PCNX3: variants seen among roughly 807,000 people sequenced by gnomAD.
PCNX3 encodes the protein pecanex-like protein 3.
PCNX3 carries 58 observed loss-of-function variants against 207.2 expected under a neutral mutation model. That is an observed-to-expected ratio of 0.28 (90% confidence interval 0.23 to 0.35). PCNX3 has a LOEUF of 0.35. Ranked by LOEUF, PCNX3 falls within the 10% of genes least tolerant of loss-of-function variation. The pLI is 1.00. For synonymous variants in PCNX3, 1,337 were observed against 1,183.5 expected (o/e 1.13, Z -2.66); for missense variants, 2,410 against 2,774.4 (o/e 0.87, Z 2.95).
At position 65,623,981 on chromosome 11, in the gene PCNX3, C is replaced by A; in HGVS notation, c.2544+20C>A. ...ATGCACGTGAGTACCCATGGAGCAGCGCCTCTGGCCAGGAGGCCCCGGGAG... is the reference window on the plus strand; with the variant it reads ...ATGCACGTGAGTACCCATGGAGCAGAGCCTCTGGCCAGGAGGCCCCGGGAG... On this transcript the variant is annotated intron_variant, in intron 13 of 34. Transcript: ENST00000355703. 6.2e-7 allele frequency: 1 copy of A among 1,610,294 alleles called. No individual in the cohort carries two copies. The highest frequency in any genetic ancestry group is 8.5e-7 in the Non-Finnish European group (1 of 1,179,838).
Position 65,635,073 on chromosome 11 carries a change from C to G in PCNX3, c.4906C>G (p.His1636Asp), listed in dbSNP as rs1855771375. The G allele has an allele frequency of 6.2e-7, 1 of 1,613,740 alleles. No individual in the cohort carries two copies. Among genetic ancestry groups the G allele is most frequent in the African/African-American group, 1.3e-5 (1 of 74,910 alleles). ...EWVFADMDLL[H>D]RVVAPGVRMA... ...GGTCTTTGCCGACATGGACCTGCTT[C>G]ACCGCGTTGTGGCGCCTGGGGTTCG... The change falls in exon 30 of 35, where the codon CAC becomes GAC. Residue 1636 changes from histidine to aspartate, a missense_variant. Physicochemically the swap from His to Asp is moderately conservative, Grantham distance 81. Coordinates refer to ENST00000355703, the MANE Select transcript of PCNX3 (RefSeq NM_032223.4). This position sits in a 1 kb window ranked among gnomAD's most constrained non-coding sequence, Gnocchi z 9.9.
chr11:65,626,748 G>T, intron 20 of PCNX3, 156 bp from the exon 21 acceptor site: 1 of 1,066,320 alleles, frequency 9.4e-7, no homozygotes, highest in South Asian at 1.6e-5. Context: ...TGCCCTGCTG[G>T]GGCTCGCTGC....
rs899663733 is a variant in PCNX3 at position 65,617,456 on chromosome 11, C to G, written c.442-14C>G. 5.0e-6 allele frequency: 8 copies of G among 1,613,932 alleles called. No individual in the cohort carries two copies. Among genetic ancestry groups the G allele is most frequent in the Admixed American group, 3.3e-5 (2 of 60,026 alleles). On this transcript the variant is annotated splice_polypyrimidine_tract_variant and intron_variant, in intron 3 of 34. Transcript: ENST00000355703. ...TTGCCTTGTTTGTTCCTTCATGGCT[C>G]TCTGTCTACTCAGGAGCTGCTGCCC...
chr11:65,622,664 C>T (rs1411943870), intron 11 of PCNX3, among the ~76,000 whole-genome samples: 2 of 152,200 alleles, frequency 1.3e-5, no homozygotes, highest in African/African-American at 2.4e-5. Flanking sequence ...GGCATGATCT[C>T]GGCTCACTGC....
Position 65,625,737 on chromosome 11 carries a change from C to T in PCNX3, c.3221C>T (p.Ala1074Val). The T allele has an allele frequency of 3.7e-6, 6 of 1,609,254 alleles. No individual in the cohort carries two copies. The highest frequency in any genetic ancestry group is 5.1e-6 in the Non-Finnish European group (6 of 1,179,492). Residue 1074 changes from alanine (A) to valine (V), a missense_variant, in exon 19 of 35, where the codon GCC becomes GTC. This residue lies in a region of PCNX3 where 333 missense variants were observed against 386.8 expected (regional missense o/e 0.86). Coordinates refer to ENST00000355703, the MANE Select transcript of PCNX3 (RefSeq NM_032223.4). This position sits in a 1 kb window ranked among gnomAD's most constrained non-coding sequence, Gnocchi z 5.6. ...FAISASTVFI[A>V]LKSVLGFVLY... is the part of the protein sequence containing the mutation. ...ATCAGCGCCAGCACCGTCTTTATTG[C>T]CCTGAAGGTTTGTGTGGCATGGGCC...
At position 65,636,814 on chromosome 11, in the gene PCNX3, G is replaced by A. The variant is rs368905925; in HGVS notation, c.5941G>A (p.Val1981Ile). The stretch of plus-strand genomic sequence containing the variant: ...CCTCAGCCTCAGCCTCAGCCCCGAT[G>A]TCAGCACTGAGGCCTCACCCCCCAG... Reference protein sequence around the residue: ...LSLSLSLSPDVSTEASPPRAS... With the variant: ...LSLSLSLSPDISTEASPPRAS... Residue 1981 changes from valine (V) to isoleucine (I), a missense_variant, in exon 35 of 35, where the codon GTC becomes ATC. Coordinates refer to ENST00000355703, the MANE Select transcript of PCNX3 (RefSeq NM_032223.4). 29 of 1,549,820 alleles carry A rather than the reference G, an allele frequency of 1.9e-5. No homozygotes were observed. In the African/African-American group the frequency reaches 3.9e-4, roughly 21 times the overall value.
At position 65,629,342 on chromosome 11, in the gene PCNX3, A is replaced by T. The variant is rs1226985410; in HGVS notation, c.3942-15A>T. Reference sequence around the variant, plus strand: ...CCTTCTTGGCCAACCGCCTTGTTGCACTCTCTCTGAACAGCACTAAACGTG... The same window carrying T: ...CCTTCTTGGCCAACCGCCTTGTTGCTCTCTCTCTGAACAGCACTAAACGTG... On this transcript the variant is annotated splice_polypyrimidine_tract_variant and intron_variant, in intron 24 of 34. Coordinates refer to ENST00000355703, the MANE Select transcript of PCNX3 (RefSeq NM_032223.4). 4 of 1,607,262 alleles carry T rather than the reference A, an allele frequency of 2.5e-6. No homozygotes were observed. The African/African-American group carries it at 5.4e-5, about 22-fold the overall frequency.
At chr11:65,632,140 G>T (rs1019293226) in intron 27 of PCNX3, among the ~76,000 whole-genome samples, 1 of 152,118 alleles carries the variant, frequency 6.6e-6, no homozygotes, top group Non-Finnish European at 1.5e-5. Context: ...AGATGCACCT[G>T]GCCAGGTCTC....
chr11:65,617,849 G>A, intron 5 of PCNX3, 91 bp from the exon 6 acceptor site: 1 of 1,473,176 alleles, frequency 6.8e-7, no homozygotes, highest in Non-Finnish European at 9.2e-7. Flanking sequence ...TGGGCTCTCA[G>A]GGAAAGTACA....
In PCNX3 at chr11:65,634,814, C is replaced by T. The variant is rs375757564; in HGVS notation, c.4806-159C>T. Among the ~76,000 whole-genome samples, 54 of 152,270 alleles carry T rather than the reference C, an allele frequency of 3.5e-4. No homozygotes were observed. The South Asian group carries it at 0.011, about 31-fold the overall frequency. Reference sequence around the variant, plus strand: ...CCTGGTCATGACCTTGCCTGCTCCTCAGTGCTCTGTGAGAGACATGGGCAG... The same window carrying T: ...CCTGGTCATGACCTTGCCTGCTCCTTAGTGCTCTGTGAGAGACATGGGCAG... On this transcript the variant is annotated intron_variant, in intron 29 of 34. Transcript: ENST00000355703.
chr11:65,621,393 T>C (rs1855091071), intron 10 of PCNX3, among the ~76,000 whole-genome samples: 1 of 152,232 alleles, frequency 6.6e-6, no homozygotes, highest in Admixed American at 6.5e-5. Flanking sequence ...TTACCAGCGC[T>C]CTGTCACTCT....
At chr11:65,617,053 G>A in intron 2 of PCNX3, 42 bp downstream of exon 2, 1 of 1,550,062 alleles carries the variant, frequency 6.5e-7, no homozygotes, top group South Asian at 1.2e-5. Flanking sequence ...AGGGTTTTTG[G>A]TGCCTGGGCC....
Position 65,627,029 on chromosome 11 carries a change from C to A in PCNX3, c.3505C>A (p.Pro1169Thr). 2 of 1,528,382 alleles carry A rather than the reference C, an allele frequency of 1.3e-6. No individual in the cohort carries two copies. The highest frequency in any genetic ancestry group is 1.8e-6 in the Non-Finnish European group (2 of 1,135,580). 94.7% of individuals were successfully genotyped at this position (1,528,382 alleles called of 1,614,324 possible). The change falls in exon 21 of 35, where the codon CCG becomes ACG. Residue 1169 changes from proline (P) to threonine (T), a missense_variant. Coordinates refer to ENST00000355703, the MANE Select transcript of PCNX3 (RefSeq NM_032223.4). ...GGACGCCCACACAGTCGTCAGCCAC[C>A]CGGACAAGTACTGCTTCTAGTGAGG... ...TVDAHTVVSH[P>T]DKYCFYCRAL...
chr11:65,625,225 C>T lies in PCNX3; in HGVS notation c.2974C>T (p.Leu992=). The T allele has an allele frequency of 6.2e-7, 1 of 1,611,240 alleles. No individual in the cohort carries two copies. ...PVLFSVFCGL[L]VALSYHLSRQ... ...CCTCTTCTCAGTCTTCTGTGGCCTC[C>T]TGGTGGCACTGTCCTACCACCTGAG... is the stretch of plus-strand genomic sequence containing the variant. Residue 992 remains leucine (L), a synonymous_variant, in exon 17 of 35, where the codon CTG becomes TTG. Coordinates refer to ENST00000355703, the MANE Select transcript of PCNX3 (RefSeq NM_032223.4). This position sits in a 1 kb window ranked among gnomAD's most constrained non-coding sequence, Gnocchi z 5.6.
chr11:65,636,831 AC>A lies in PCNX3; in HGVS notation c.5964del (p.Arg1989GlufsTer57). 1.9e-6 allele frequency: 3 copies of A among 1,542,986 alleles called. No individual in the cohort carries two copies. The highest frequency in any genetic ancestry group is 2.6e-6 in the Non-Finnish European group (3 of 1,145,190). The stretch of plus-strand genomic sequence containing the variant: ...GCCCCGATGTCAGCACTGAGGCCTC[AC>A]CCCCCAGAGCTTCCCAGGACATTCC... ...LSPDVSTEAS[P>X]PRASQDIPCL... is the part of the protein sequence containing the mutation. On this transcript the variant is annotated frameshift_variant, in exon 35 of 35. Coordinates refer to ENST00000355703, the MANE Select transcript of PCNX3 (RefSeq NM_032223.4). LOFTEE classifies it high-confidence loss of function.
chr11:65,623,831 A>G, intron 12 of PCNX3, 98 bp from the exon 13 acceptor site: 1 of 1,575,366 alleles, frequency 6.3e-7, no homozygotes, highest in Non-Finnish European at 8.7e-7. Context: ...TGACCTGGTC[A>G]CTCATAACTG....
rs867805424 is a variant in PCNX3, at chr11:65,620,898, C to T, written c.2167C>T (p.Leu723=). 1 of 1,569,460 alleles carries T rather than the reference C, an allele frequency of 6.4e-7. No individual in the cohort carries two copies. Among genetic ancestry groups the T allele is most frequent in the Non-Finnish European group, 8.6e-7 (1 of 1,158,074 alleles). ...DVPEATGGLN[L]LQPRPVVLQG... is the part of the protein sequence containing the mutation. ...CCCTGAGGCTACAGGCGGCCTGAAC[C>T]TGCTGCAGCCGAGGCCTGTGGTTCT... Residue 723 remains leucine (L), a synonymous_variant, in exon 10 of 35, where the codon CTG becomes TTG. Coordinates refer to ENST00000355703, the MANE Select transcript of PCNX3 (RefSeq NM_032223.4).
chr11:65,636,547 G>C lies in PCNX3; in HGVS notation c.5750G>C (p.Arg1917Pro). 6.3e-7 allele frequency: 1 copy of C among 1,594,806 alleles called. No individual in the cohort carries two copies. The highest frequency in any genetic ancestry group is 8.5e-7 in the Non-Finnish European group (1 of 1,172,412). The change falls in exon 34 of 35, where the codon CGG (arginine) becomes CCG (proline). Residue 1917 changes from arginine to proline, a missense_variant. This residue lies in a region of PCNX3 where 278 missense variants were observed against 245.1 expected (regional missense o/e 1.13). Coordinates refer to ENST00000355703, the MANE Select transcript of PCNX3 (RefSeq NM_032223.4). ...TCGCCTATCCCCACAGAGGGTCCCC[G>C]GACCTCACGGCCCCCTGGCCCGGGT... ...PASPIPTEGP[R>P]TSRPPGPGLL... is the part of the protein sequence containing the mutation.
chr11:65,618,745 A>C lies in PCNX3; in HGVS notation c.1383A>C (p.Ala461=). The change falls in exon 6 of 35, where the codon GCA becomes GCC. Residue 461 remains alanine (A), a synonymous_variant. Transcript: ENST00000355703. ...ACTCCCCTGAGAGCTCCCGGGGTGC[A>C]GCAGGGGGACCCCGGAAGCGGAGGG... ...SCYSPESSRG[A]AGGPRKRRAP... is the part of the protein sequence containing the mutation. 9 of 1,612,256 alleles carry C rather than the reference A, an allele frequency of 5.6e-6. No individual in the cohort carries two copies. The highest frequency in any genetic ancestry group is 7.6e-6 in the Non-Finnish European group (9 of 1,179,354).
Sources: gnomAD v4.1 joint callset for allele counts (sites outside exome capture counted in the v4.1 genomes callset) on GRCh38, gnomAD v4.1.1 for gene constraint, gnomAD v4.1.1 regional missense constraint, Gnocchi (gnomAD v3.1) non-coding constraint, MANE v1.5 for transcripts, NCBI Gene and HGNC (gene_info 2026-07-23, HGNC 2026-07-21) for gene names.